The following KATNIP variants were observed in gnomAD, a reference collection of about 807,000 sequenced individuals.
KATNIP encodes the protein katanin interacting protein.
In KATNIP, 126 loss-of-function variants were observed where a neutral mutation model predicts 174.0. That is an observed-to-expected ratio of 0.72 (90% CI 0.63 to 0.84). KATNIP has a LOEUF of 0.84. Ranked by LOEUF, KATNIP falls within the 40% of genes least tolerant of loss-of-function variation. KATNIP has a pLI of 0.00. For synonymous variants in KATNIP, 810 were observed against 835.7 expected (o/e 0.97, Z 0.53); for missense variants, 1,958 against 2,109.7 (o/e 0.93, Z 1.41).
chr16:27,654,680 G>A lies in KATNIP; in HGVS notation c.540+5945G>A, dbSNP rs747027561. ...CCTTCTGAATGCATGTGGACATTCT[G>A]ACCCTTCAAGCAGCGTGGACAAAGA... On this transcript the variant is annotated intron_variant, in intron 6 of 27. Coordinates refer to ENST00000261588, the MANE Select transcript of KATNIP (RefSeq NM_015202.5). 2.2e-6 allele frequency: 3 copies of A among 1,351,868 alleles called. No individual in the cohort carries two copies. The African/African-American group carries it at 4.4e-5, about 20-fold the overall frequency. The allele number at this position is 1,351,868 out of a possible 1,614,324, so 83.7% of individuals were successfully genotyped here.
chr16:27,754,453 G>GGTGT (rs1382434898), intron 18 of KATNIP: 1 of 578,026 alleles, frequency 1.7e-6, no homozygotes. Flanking sequence ...TCACTCCAGA[G>GGTGT]GAGGGGCATC....
At chr16:27,588,009 G>A (rs73533081) in intron 2 of KATNIP, among the ~76,000 whole-genome samples, 3,285 of 150,388 alleles carry the variant, frequency 0.022, 115 homozygotes, top group African/African-American at 0.076. Flanking sequence ...TCTCACTTCA[G>A]CCTCCCAGGT....
At chr16:27,759,447 C>CA (rs1472501476) in intron 18 of KATNIP, among the ~76,000 whole-genome samples, 8 of 152,230 alleles carry the variant, frequency 5.3e-5, no homozygotes, top group Non-Finnish European at 8.8e-5. Flanking sequence ...CAAGCCAATC[C>CA]AAAATCCACT....
chr16:27,739,710 G>A (rs1209385014), intron 14 of KATNIP, among the ~76,000 whole-genome samples: 1 of 152,210 alleles, frequency 6.6e-6, no homozygotes, highest in Non-Finnish European at 1.5e-5. Context: ...AACTCTGGTG[G>A]CAATGTGAAG....
intron 14 of KATNIP, chr16:27,727,834 C>T (rs2143155902): frequency 6.6e-6 from 1 of 152,368 alleles, no homozygotes; most frequent in Admixed American, 6.5e-5. Flanking sequence ...GTAGCTATCA[C>T]ACTATTTCAC....
intron 6 of KATNIP, among the ~76,000 whole-genome samples, chr16:27,663,353 A>G (rs542388617): frequency 2.0e-5 from 3 of 151,770 alleles, no homozygotes; most frequent in Non-Finnish European, 2.9e-5. Context: ...TTTTCCTCTG[A>G]ATATTGCTTT....
chr16:27,574,825 A>G (rs2090439825), intron 2 of KATNIP, among the ~76,000 whole-genome samples: 1 of 152,204 alleles, frequency 6.6e-6, no homozygotes, highest in South Asian at 2.1e-4. Context: ...TGCTGGGATT[A>G]CAGGCGTGAG....
intron 1 of KATNIP, among the ~76,000 whole-genome samples, chr16:27,561,682 A>T (rs1477360324): frequency 6.6e-6 from 1 of 152,196 alleles, no homozygotes; most frequent in East Asian, 1.9e-4. Context: ...TGAACCTGCA[A>T]TGCAGTGTGT....
chr16:27,698,035 C>T (rs1014548165), intron 8 of KATNIP, among the ~76,000 whole-genome samples: 1 of 152,114 alleles, frequency 6.6e-6, no homozygotes, highest in Non-Finnish European at 1.5e-5. Context: ...ACTAGAATAC[C>T]ACTGTCTAAG....
At chr16:27,664,977 G>A (rs904015664) in intron 6 of KATNIP, among the ~76,000 whole-genome samples, 2 of 152,222 alleles carry the variant, frequency 1.3e-5, no homozygotes, top group Non-Finnish European at 2.9e-5. Flanking sequence ...GCTATATTAA[G>A]TAAGGGGCAG....
chr16:27,751,948 T>A (rs761830169), intron 17 of KATNIP, 24 bp downstream of exon 17: 15 of 1,572,480 alleles, frequency 9.5e-6, no homozygotes, highest in Non-Finnish European at 1.3e-5. Context: ...TGGGGGGCTG[T>A]GGGGGGACCC....
intron 3 of KATNIP, among the ~76,000 whole-genome samples, chr16:27,627,121 C>T (rs1395882923): frequency 2.6e-5 from 4 of 152,176 alleles, no homozygotes; most frequent in African/African-American, 9.7e-5. Flanking sequence ...TGCATTTTTG[C>T]GGTCACTTGC....
Position 27,611,965 on chromosome 16 carries a change from C to T in KATNIP, c.64-6460C>T, listed in dbSNP as rs957694837. 5.3e-5 allele frequency among the ~76,000 whole-genome samples: 8 copies of T among 152,136 alleles called. No individual in the cohort carries two copies. The South Asian group carries it at 8.3e-4, about 16-fold the overall frequency. ...AAGCCTTCATGGGGACTTTGGGAAC[C>T]GAGCTGGCCCTTGGAGAGTCTGGGA... On this transcript the variant is annotated intron_variant, in intron 2 of 27. Transcript: ENST00000261588.
Position 27,740,443 on chromosome 16 carries a change from G to A in KATNIP, c.2146G>A (p.Ala716Thr), listed in dbSNP as rs1363381398. ...TSMGDMPSAPATSPPVKCPPV... is the reference protein window; with the variant it reads ...TSMGDMPSAPTTSPPVKCPPV... ...GATGGGTGACATGCCCAGTGCTCCT[G>A]CCACTTCCCCACCTGTGAAGTGCCC... Residue 716 changes from alanine (A) to threonine (T), a missense_variant, in exon 15 of 28, where the codon GCC becomes ACC. By Grantham distance (58) the Ala-to-Thr change is moderately conservative. Transcript: ENST00000261588. 6.2e-7 allele frequency: 1 copy of A among 1,614,002 alleles called. No individual in the cohort carries two copies. The highest frequency in any genetic ancestry group is 1.1e-5 in the South Asian group (1 of 91,084).
chr16:27,707,393 G>A (rs1434484862), intron 12 of KATNIP, among the ~76,000 whole-genome samples: 2 of 152,334 alleles, frequency 1.3e-5, no homozygotes, highest in Non-Finnish European at 2.9e-5. Flanking sequence ...GACAGCCGAC[G>A]CAGGAAGGAG....
intron 1 of KATNIP, among the ~76,000 whole-genome samples, chr16:27,556,853 C>T (rs879800593): frequency 6.6e-6 from 1 of 152,188 alleles, no homozygotes; most frequent in African/African-American, 2.4e-5. Flanking sequence ...ACATACATCC[C>T]ATAGACTCTT....
chr16:27,664,407 T>G (rs1229550852), intron 6 of KATNIP, among the ~76,000 whole-genome samples: 2 of 152,240 alleles, frequency 1.3e-5, no homozygotes, highest in African/African-American at 4.8e-5. Flanking sequence ...CGATTAGTTG[T>G]AATACTTAAC....
At chr16:27,675,743 G>A (rs2078091229) in intron 6 of KATNIP, among the ~76,000 whole-genome samples, 1 of 152,076 alleles carries the variant, frequency 6.6e-6, no homozygotes, top group African/African-American at 2.4e-5. Flanking sequence ...TATTTCTCCT[G>A]GTATGACATT....
intron 2 of KATNIP, among the ~76,000 whole-genome samples, chr16:27,598,719 C>T (rs550751891): frequency 1.3e-5 from 2 of 152,236 alleles, no homozygotes; most frequent in South Asian, 2.1e-4. Flanking sequence ...CAAGGAGGAA[C>T]GATGTGCTAT....
Sources: allele counts gnomAD v4.1 joint callset (sites outside exome capture counted in the v4.1 genomes callset), GRCh38; gene constraint gnomAD v4.1.1; transcripts MANE v1.5; gene names NCBI Gene and HGNC (gene_info 2026-07-23, HGNC 2026-07-21).